Variants in TEKTIP1 observed in about 807,000 individuals in gnomAD.
TEKTIP1 encodes the protein tektin bundle interacting protein 1.
chr19:3,540,048 T>G, the TEKTIP1 span: 2 of 151,606 alleles, frequency 1.3e-5, no homozygotes, highest in South Asian at 4.2e-4. Flanking sequence ...GCCCAGGAGT[T>G]CAAGACCAGC....
At chr19:3,542,385 GTCTTGGGGCCAGC>G in the TEKTIP1 span, 1 of 985,450 alleles carries the variant, frequency 1.0e-6, no homozygotes, top group Non-Finnish European at 1.2e-6. Flanking sequence ...CTGCTAGACT[GTCTTGGGGCCAGC>G]AACCTTGTTT....
At chr19:3,542,706 C>T in the TEKTIP1 span, 2 of 1,277,682 alleles carry the variant, frequency 1.6e-6, no homozygotes, top group East Asian at 5.5e-5. Flanking sequence ...TGGTCTCGAA[C>T]TCCTGACCTC....
chr19:3,543,826 C>T, the TEKTIP1 span: 7 of 1,523,268 alleles, frequency 4.6e-6, no homozygotes, highest in African/African-American at 1.4e-5. Flanking sequence ...GTCCCACCTA[C>T]AGTGCTCAAC....
chr19:3,543,661 A>G, the TEKTIP1 span: 3 of 1,541,018 alleles, frequency 1.9e-6, no homozygotes, highest in East Asian at 7.3e-5. Flanking sequence ...AAGACAGGCC[A>G]ATCCGGGGCA....
chr19:3,540,828 G>A, the TEKTIP1 span, among the ~76,000 whole-genome samples: 3 of 139,892 alleles, frequency 2.1e-5, no homozygotes, highest in South Asian at 4.6e-4. Context: ...GCAGTGAGCC[G>A]AGATCGTGCC....
chr19:3,543,950 A>G, the TEKTIP1 span: 1 of 1,550,990 alleles, frequency 6.4e-7, no homozygotes, highest in Middle Eastern at 1.7e-4. Flanking sequence ...GGGTCCTGGA[A>G]CCATACTGCC....
At chr19:3,542,198 G>A in the TEKTIP1 span, 76 of 985,256 alleles carry the variant, frequency 7.7e-5, no homozygotes, top group Admixed American at 1.8e-4. Flanking sequence ...TCTTGAAATT[G>A]CCTTTCTAGT....
At chr19:3,540,089 C>CTTTTTTTTTTTTTT in the TEKTIP1 span, 21 of 88,198 alleles carry the variant, frequency 2.4e-4, 1 homozygote, top group African/African-American at 7.0e-4. Flanking sequence ...CATCTCTTTT[C>CTTTTTTTTTTTTTT]TTTTTTTTTT....
the TEKTIP1 span, chr19:3,541,767 C>T: frequency 4.1e-6 from 4 of 985,368 alleles, no homozygotes; most frequent in Non-Finnish European, 4.8e-6. Flanking sequence ...ACGGGGCCGA[C>T]AGCAGGGGTG....
chr19:3,544,026 ATGCACCCACTGTCTC>A, the TEKTIP1 span: 2 of 1,523,162 alleles, frequency 1.3e-6, no homozygotes, highest in East Asian at 2.5e-5. Flanking sequence ...TGCTACCAGG[ATGCACCCACTGTCTC>A]TGCACCCAGA....
At chr19:3,542,172 G>A in the TEKTIP1 span, 2 of 985,224 alleles carry the variant, frequency 2.0e-6, no homozygotes, top group South Asian at 9.4e-5. Flanking sequence ...ATTTCAAAAG[G>A]GTGAGGTTCT....
the TEKTIP1 span, chr19:3,543,694 C>T: frequency 5.7e-5 from 87 of 1,520,246 alleles, no homozygotes; most frequent in Non-Finnish European, 7.0e-5. Flanking sequence ...AGGCTAGGTG[C>T]AGGGTGGGTC....
At chr19:3,541,168 C>CAAA in the TEKTIP1 span, among the ~76,000 whole-genome samples, 19 of 87,176 alleles carry the variant, frequency 2.2e-4, no homozygotes, top group African/African-American at 7.6e-4. Context: ...GACTCTGTCT[C>CAAA]AAAAAAAAAA....
chr19:3,541,643 A>G, the TEKTIP1 span: 8 of 984,120 alleles, frequency 8.1e-6, no homozygotes, highest in Non-Finnish European at 9.6e-6. Flanking sequence ...TCTATTTTTT[A>G]AAAAAATGGA....
the TEKTIP1 span, chr19:3,543,172 G>A: frequency 1.1e-5 from 16 of 1,521,326 alleles, no homozygotes; most frequent in Non-Finnish European, 7.9e-6. Context: ...GGCAGACATC[G>A]CAAAGGGGTC....
chr19:3,543,374 G>A, the TEKTIP1 span: 5 of 1,549,240 alleles, frequency 3.2e-6, no homozygotes, highest in East Asian at 9.8e-5. Context: ...CGCCTGGGAA[G>A]CCTGGTACAA....
the TEKTIP1 span, chr19:3,541,822 G>A: frequency 2.0e-6 from 2 of 983,404 alleles, no homozygotes; most frequent in South Asian, 4.7e-5. Context: ...TGTTTTGTTT[G>A]TGTTGAGACA....
chr19:3,539,294 CCCCTCCCTCCCT>C, the TEKTIP1 span: 23 of 1,283,384 alleles, frequency 1.8e-5, no homozygotes, highest in East Asian at 5.4e-4. Context: ...CCCCTCCCAG[CCCCTCCCTCCCT>C]CCCTCCCTGG....
the TEKTIP1 span, among the ~76,000 whole-genome samples, chr19:3,540,696 A>G: frequency 4.7e-3 from 699 of 149,916 alleles, 7 homozygotes; most frequent in African/African-American, 0.016. Context: ...CCTGACCAAC[A>G]TGGTGAAACC....
Sources: allele counts gnomAD v4.1 joint callset (sites outside exome capture counted in the v4.1 genomes callset), GRCh38; gene constraint gnomAD v4.1.1; transcripts MANE v1.5; gene names NCBI Gene and HGNC (gene_info 2026-07-23, HGNC 2026-07-21).